The following KALRN variants were observed in gnomAD, a reference collection of about 807,000 sequenced individuals.
KALRN encodes the protein kalirin.
A neutral mutation model predicts 353.7 loss-of-function variants in KALRN; 70 were observed. The ratio of observed to expected loss-of-function variants is 0.20; its 90% CI spans 0.16 to 0.24. The LOEUF (loss-of-function observed/expected upper bound fraction) is 0.24, where lower values mean the gene tolerates loss of function less well. Ranked by LOEUF, KALRN falls within the 10% of genes least tolerant of loss-of-function variation. The probability of loss-of-function intolerance (pLI) is 1.00; values close to 1 mark genes in which losing one functional copy is unlikely to be tolerated. For missense variants in KALRN, 2,791 were observed against 3,756.7 expected, an observed-to-expected ratio of 0.74 and a Z score of 6.72; for synonymous variants, 1,391 against 1,434.8, an observed-to-expected ratio of 0.97 and a Z score of 0.69.
In KALRN at chr3:124,268,775, G is replaced by A. The variant is rs368531581; in HGVS notation, c.489G>A (p.Lys163=). The A allele has an allele frequency of 3.7e-6, 6 of 1,614,150 alleles. No individual in the cohort carries two copies. Among genetic ancestry groups the A allele is most frequent in the South Asian group, 1.1e-5 (1 of 91,078 alleles). ...TGGTATCTGTGGAGGGCCTCACAAA[G>A]CTGGTGGACCCCTCCCAGCTGACGG... ...TSMVSVEGLT[K]LVDPSQLTEE... The change falls in exon 5 of 60, where the codon AAG becomes AAA. Residue 163 remains lysine, a synonymous_variant. Coordinates refer to ENST00000682506, the MANE Select transcript of KALRN (RefSeq NM_001388419.1).
rs370824901 is a variant in KALRN, at chr3:124,718,785, G to C, written c.8416-140G>C. On this transcript the variant is annotated intron_variant, in intron 59 of 59. Coordinates refer to ENST00000682506, the MANE Select transcript of KALRN (RefSeq NM_001388419.1). ...TGAAGTATCCTATGCAGTTTCCGTAGTGCATAGGGAATTTTCTGTACACCA... is the reference window on the plus strand; with the variant it reads ...TGAAGTATCCTATGCAGTTTCCGTACTGCATAGGGAATTTTCTGTACACCA... 4.1e-6 allele frequency: 3 copies of C among 728,588 alleles called. No homozygotes were observed. In the East Asian group the frequency reaches 7.8e-5, roughly 19 times the overall value. 45.1% of individuals were successfully genotyped at this position (728,588 alleles called of 1,614,324 possible).
intron 1 of KALRN, among the ~76,000 whole-genome samples, chr3:124,139,980 C>G (rs558199476): frequency 1.3e-5 from 2 of 152,234 alleles, no homozygotes; most frequent in African/African-American, 4.8e-5. Context: ...CCCTATCTTT[C>G]ATATTGTACC....
intron 43 of KALRN, among the ~76,000 whole-genome samples, chr3:124,660,332 CA>C (rs1663409635): frequency 2.0e-5 from 3 of 152,152 alleles, no homozygotes; most frequent in Non-Finnish European, 4.4e-5. Flanking sequence ...CCTTTCTTGT[CA>C]TAATCCCCCT....
chr3:124,406,878 C>T (rs2091610274), intron 13 of KALRN, among the ~76,000 whole-genome samples: 1 of 141,706 alleles, frequency 7.1e-6, no homozygotes, highest in African/African-American at 2.6e-5. Flanking sequence ...GTCACCCAAG[C>T]TGGAGTGCAG....
At chr3:124,662,579 G>C (rs999301944) in intron 45 of KALRN, among the ~76,000 whole-genome samples, 4 of 152,048 alleles carry the variant, frequency 2.6e-5, no homozygotes, top group Non-Finnish European at 5.9e-5. Flanking sequence ...TTGAGAAGGT[G>C]GTTCTGGCTT....
At chr3:124,712,438 G>A (rs982055548) in intron 57 of KALRN, among the ~76,000 whole-genome samples, 2 of 151,730 alleles carry the variant, frequency 1.3e-5, no homozygotes, top group Admixed American at 6.6e-5. Context: ...ATTCTGCCTC[G>A]AAAAGAAAAC....
At position 124,720,286 on chromosome 3, in the gene KALRN, A is replaced by G. The variant is rs999394665; in HGVS notation, c.*816A>G. 2.0e-5 allele frequency: 3 copies of G among 152,656 alleles called. No homozygotes were observed. Among genetic ancestry groups the G allele is most frequent in the Non-Finnish European group, 4.4e-5 (3 of 68,050 alleles). 9.5% of individuals were successfully genotyped at this position (152,656 alleles called of 1,614,324 possible). A position where few individuals can be genotyped will look rare whatever the true frequency, so the allele number is the denominator to read the frequency against. ...CACTGGCAGCTCAGAATTATTCTGG[A>G]AAGAAAGCCTGCCAGGAAATAAATT... On this transcript the variant is annotated 3_prime_UTR_variant, in exon 60 of 60. Transcript: ENST00000682506.
chr3:124,418,422 A>C (rs1172937493), intron 14 of KALRN, among the ~76,000 whole-genome samples: 2 of 152,180 alleles, frequency 1.3e-5, no homozygotes, highest in African/African-American at 4.8e-5. Flanking sequence ...ACACTGATCT[A>C]AAAACCTCAT....
At chr3:124,430,541 C>T in intron 15 of KALRN, 115 bp from the exon 16 acceptor site, 1 of 1,280,414 alleles carries the variant, frequency 7.8e-7, no homozygotes, top group Non-Finnish European at 1.1e-6. Context: ...TGTCCTCTCT[C>T]CAACAGAAGA....
intron 34 of KALRN, among the ~76,000 whole-genome samples, chr3:124,577,274 C>T (rs2149217351): frequency 6.6e-6 from 1 of 151,330 alleles, no homozygotes; most frequent in South Asian, 2.1e-4. Flanking sequence ...ATAAGTGAGA[C>T]AGCTAGAAAG....
intron 57 of KALRN, among the ~76,000 whole-genome samples, chr3:124,706,902 A>G (rs2062645160): frequency 6.6e-6 from 1 of 152,138 alleles, no homozygotes; most frequent in South Asian, 2.1e-4. Context: ...AACTTTCAAA[A>G]TGAGCCAACT....
intron 1 of KALRN, among the ~76,000 whole-genome samples, chr3:124,138,558 T>TG (rs1298685365): frequency 7.9e-5 from 12 of 152,210 alleles, no homozygotes; most frequent in African/African-American, 2.9e-4. Context: ...AAAGAGTGAC[T>TG]GAGGCAGGAT....
intron 1 of KALRN, among the ~76,000 whole-genome samples, chr3:124,207,376 A>C (rs1386326280): frequency 3.9e-5 from 6 of 152,226 alleles, no homozygotes; most frequent in African/African-American, 1.4e-4. Flanking sequence ...GCTCAGCAGG[A>C]AACTGAGGTA....
chr3:124,221,610 C>T (rs1211913239), intron 1 of KALRN, among the ~76,000 whole-genome samples: 1 of 152,124 alleles, frequency 6.6e-6, no homozygotes, highest in Non-Finnish European at 1.5e-5. Flanking sequence ...GAGGTAGGAT[C>T]AACAGAACCA....
Position 124,715,530 on chromosome 3 carries a change from C to G in KALRN, c.8277-1717C>G, listed in dbSNP as rs548223405. 4.7e-4 allele frequency among the ~76,000 whole-genome samples: 71 copies of G among 152,250 alleles called. 1 individual carries two copies. The highest frequency in any genetic ancestry group is 8.1e-4 in the Non-Finnish European group (55 of 68,016). On this transcript the variant is annotated intron_variant, in intron 58 of 59. Transcript: ENST00000682506. ...GTTCAGGGGAATACATTTAACAAGC[C>G]CAATCCTACTCCACTCTACTCTGAT...
chr3:124,435,026 GT>G (rs1225136123), intron 17 of KALRN, among the ~76,000 whole-genome samples: 1 of 152,156 alleles, frequency 6.6e-6, no homozygotes, highest in East Asian at 1.9e-4. Context: ...CACATTTATA[GT>G]TAAAGGCAGG....
chr3:124,477,395 G>A, intron 27 of KALRN, 61 bp downstream of exon 27: 2 of 1,194,010 alleles, frequency 1.7e-6, no homozygotes, highest in East Asian at 2.4e-5. Context: ...TCTCTGCTTT[G>A]GCATAATGGA....
rs868859107 is a variant in KALRN at position 124,174,922 on chromosome 3, A to G, written c.74-53068A>G. On this transcript the variant is annotated intron_variant, in intron 1 of 59. Transcript: ENST00000682506. Reference sequence around the variant, plus strand: ...TCTTCAGAATTGAGAAAACAGTAGCAGAATTTAAGTCCTAGTGGGGCTTTC... The same window carrying G: ...TCTTCAGAATTGAGAAAACAGTAGCGGAATTTAAGTCCTAGTGGGGCTTTC... 1.1e-4 allele frequency among the ~76,000 whole-genome samples: 16 copies of G among 152,352 alleles called. No homozygotes were observed. In the Middle Eastern group the frequency reaches 0.014, roughly 130 times the overall value.
chr3:124,664,567 C>G (rs9857582), intron 45 of KALRN, among the ~76,000 whole-genome samples: 1 of 151,936 alleles, frequency 6.6e-6, no homozygotes, highest in African/African-American at 2.4e-5. Context: ...GGCGCCACCA[C>G]GCCTGGCTAA....
Sources: allele counts gnomAD v4.1 joint callset (sites outside exome capture counted in the v4.1 genomes callset), GRCh38; gene constraint gnomAD v4.1.1; transcripts MANE v1.5; gene names NCBI Gene and HGNC (gene_info 2026-07-23, HGNC 2026-07-21).